The following PTPN3 variants were observed in gnomAD, a reference collection of about 807,000 sequenced individuals.
The protein encoded by PTPN3 is tyrosine-protein phosphatase non-receptor type 3.
A neutral mutation model predicts 132.7 loss-of-function variants in PTPN3; 96 were observed. The ratio of observed to expected loss-of-function variants is 0.72; its 90% CI spans 0.61 to 0.86. The LOEUF (loss-of-function observed/expected upper bound fraction) is 0.86, where lower values mean the gene tolerates loss of function less well. Among genes scored for constraint, PTPN3 ranks in the 40% least tolerant of loss-of-function variants. PTPN3 has a pLI of 0.00. For synonymous variants in PTPN3, 398 were observed against 429.0 expected (o/e 0.93, Z 0.89); for missense variants, 1,125 against 1,159.6 (o/e 0.97, Z 0.43).
At chr9:109,409,808 A>T (rs1039747748) in intron 16 of PTPN3, among the ~76,000 whole-genome samples, 191 bp downstream of exon 16, 46 of 149,514 alleles carry the variant, frequency 3.1e-4, no homozygotes, top group South Asian at 2.1e-4. Context: ...GTGAGTTTTT[A>T]AAAAAAAACA....
intron 7 of PTPN3, among the ~76,000 whole-genome samples, chr9:109,444,687 T>C (rs1175646625): frequency 6.6e-6 from 1 of 152,226 alleles, no homozygotes; most frequent in Non-Finnish European, 1.5e-5. Context: ...GTTACATATA[T>C]GATTCACATT....
At chr9:109,411,426 G>A (rs1203331375) in intron 14 of PTPN3, among the ~76,000 whole-genome samples, 1 of 152,096 alleles carries the variant, frequency 6.6e-6, no homozygotes, top group Non-Finnish European at 1.5e-5. Flanking sequence ...GAGTCACAGG[G>A]ATTAACCATC....
At chr9:109,487,417 G>T (rs1195781281) in intron 1 of PTPN3, among the ~76,000 whole-genome samples, 2 of 152,226 alleles carry the variant, frequency 1.3e-5, no homozygotes, top group African/African-American at 4.8e-5. Context: ...TCAAAGGACA[G>T]TCCCTGGCGT....
chr9:109,408,902 G>A (rs1349434620), intron 16 of PTPN3, among the ~76,000 whole-genome samples: 2 of 148,716 alleles, frequency 1.3e-5, no homozygotes, highest in Non-Finnish European at 3.0e-5. Context: ...GCAGAGGCGA[G>A]CGAGGCCTGG....
intron 1 of PTPN3, among the ~76,000 whole-genome samples, chr9:109,472,839 A>G (rs1846447850): frequency 6.6e-6 from 1 of 152,246 alleles, no homozygotes; most frequent in Admixed American, 6.5e-5. Flanking sequence ...TTGCTAAACT[A>G]GAAAAACAAA....
intron 20 of PTPN3, 29 bp downstream of exon 20, chr9:109,391,442 G>A: frequency 6.4e-7 from 1 of 1,571,638 alleles, no homozygotes; most frequent in Non-Finnish European, 8.8e-7. Flanking sequence ...AGTGTAGGGG[G>A]GAAGGAGGCA....
chr9:109,402,726 T>C (rs541803461), intron 19 of PTPN3, among the ~76,000 whole-genome samples: 11 of 984 alleles, frequency 0.011, no homozygotes, highest in Non-Finnish European at 0.014. Flanking sequence ...CCAGACTTCA[T>C]TTGCATAAGT....
chr9:109,528,382 G>A, the PTPN3 span, among the ~76,000 whole-genome samples: 10 of 152,146 alleles, frequency 6.6e-5, no homozygotes, highest in African/African-American at 2.4e-4. Flanking sequence ...GTTCATCAAT[G>A]GAATACTACA....
intron 7 of PTPN3, 140 bp from the exon 8 acceptor site, chr9:109,438,374 A>G: frequency 1.1e-6 from 1 of 876,686 alleles, no homozygotes; most frequent in Admixed American, 2.9e-5. Context: ...CATGAACTGA[A>G]GCTTCTCACT....
the PTPN3 span, among the ~76,000 whole-genome samples, chr9:109,508,664 G>T: frequency 3.9e-5 from 6 of 152,172 alleles, no homozygotes; most frequent in African/African-American, 1.4e-4. Flanking sequence ...GTATCTAAAG[G>T]TTCTTTGTCA....
chr9:109,433,104 G>C lies in PTPN3; in HGVS notation c.733C>G (p.Arg245Gly), dbSNP rs149073049. Reference protein sequence around the residue: ...GIASAGVAVYRKYICTSFYPW... With the variant: ...GIASAGVAVYGKYICTSFYPW... ...TAGAAACTTGTGCAAATGTATTTTC[G>C]GTACACAGCAACACCCGCGGAAGCA... Residue 245 changes from arginine (R) to glycine (G), a missense_variant, in exon 10 of 26, where the codon CGA (arginine) becomes GGA (glycine). Physicochemically the swap from Arg to Gly is moderately radical, Grantham distance 125 (BLOSUM62 -2). Coordinates refer to ENST00000374541, the MANE Select transcript of PTPN3 (RefSeq NM_002829.4). The C allele has an allele frequency of 5.5e-5, 89 of 1,613,802 alleles. No homozygotes were observed. The highest frequency in any genetic ancestry group is 7.2e-5 in the Non-Finnish European group (85 of 1,179,964).
the PTPN3 span, among the ~76,000 whole-genome samples, chr9:109,536,739 C>G: frequency 2.0e-5 from 3 of 152,084 alleles, no homozygotes; most frequent in African/African-American, 7.2e-5. Context: ...CTCCTTTGAA[C>G]AAAGGGAAAG....
chr9:109,381,563 C>G, intron 25 of PTPN3, 89 bp downstream of exon 25: 1 of 1,529,350 alleles, frequency 6.5e-7, no homozygotes, highest in South Asian at 1.2e-5. Flanking sequence ...GAGCTGCAGT[C>G]TGTTGACTCA....
At chr9:109,536,317 A>T in the PTPN3 span, among the ~76,000 whole-genome samples, 2 of 146,988 alleles carry the variant, frequency 1.4e-5, no homozygotes, top group Non-Finnish European at 3.1e-5. Flanking sequence ...TGAATGGTGT[A>T]TGCATATCCA....
At chr9:109,452,526 A>G (rs1845325640) in intron 5 of PTPN3, among the ~76,000 whole-genome samples, 1 of 151,968 alleles carries the variant, frequency 6.6e-6, no homozygotes. Context: ...ACATGTAAAC[A>G]CACACATATT....
At chr9:109,457,820 A>G (rs1242102628) in intron 2 of PTPN3, among the ~76,000 whole-genome samples, 1 of 152,216 alleles carries the variant, frequency 6.6e-6, no homozygotes, top group Non-Finnish European at 1.5e-5. Flanking sequence ...AAGCCACCGA[A>G]GTGCATGTCC....
chr9:109,498,760 C>T (rs1194060972), upstream of PTPN3, among the ~76,000 whole-genome samples: 1 of 152,192 alleles, frequency 6.6e-6, no homozygotes, highest in Non-Finnish European at 1.5e-5. This position sits in a 1 kb window ranked among gnomAD's most constrained non-coding sequence, Gnocchi z 4.2. Flanking sequence ...ATCTGTGCTC[C>T]TGCTTCCCAC....
At chr9:109,438,261 C>T in intron 7 of PTPN3, 27 bp from the exon 8 acceptor site, 2 of 1,597,904 alleles carry the variant, frequency 1.3e-6, no homozygotes, top group Non-Finnish European at 1.7e-6. Flanking sequence ...AGGGGAAAAT[C>T]ATAATTAGTT....
At chr9:109,388,307 CAGA>C (rs759180222) in intron 22 of PTPN3, among the ~76,000 whole-genome samples, 2 of 152,184 alleles carry the variant, frequency 1.3e-5, no homozygotes, top group East Asian at 1.9e-4. Flanking sequence ...CCCTGGATTT[CAGA>C]AGAACAGGTT....
Sources: allele counts gnomAD v4.1 joint callset (sites outside exome capture counted in the v4.1 genomes callset), GRCh38; gene constraint gnomAD v4.1.1; non-coding constraint Gnocchi (gnomAD v3.1); transcripts MANE v1.5; gene names NCBI Gene and HGNC (gene_info 2026-07-23, HGNC 2026-07-21).